SEMA3A: variants seen among roughly 807,000 people sequenced by gnomAD.
SEMA3A encodes semaphorin-3A.
A neutral mutation model predicts 97.9 loss-of-function variants in SEMA3A; 29 were observed. That is an observed-to-expected ratio of 0.30 (90% confidence interval 0.22 to 0.40). The LOEUF (loss-of-function observed/expected upper bound fraction) is 0.40, where lower values mean the gene tolerates loss of function less well. Among genes scored for constraint, SEMA3A ranks in the 10% least tolerant of loss-of-function variants. The pLI is 1.00. For missense variants in SEMA3A, 763 were observed against 951.3 expected (o/e 0.80, Z 2.60); for synonymous variants, 321 against 323.7 (o/e 0.99, Z 0.09).
chr7:84,191,943 T>C (rs985228319), intron 1 of SEMA3A, among the ~76,000 whole-genome samples: 1 of 151,896 alleles, frequency 6.6e-6, no homozygotes, highest in South Asian at 2.1e-4. Flanking sequence ...AAGGCCACTT[T>C]CCTGTTTTTA....
intron 2 of SEMA3A, among the ~76,000 whole-genome samples, chr7:84,328,445 G>A (rs536995233): frequency 1.3e-5 from 2 of 151,930 alleles, no homozygotes; most frequent in South Asian, 4.1e-4. Flanking sequence ...GAGATAGAGG[G>A]GAAGAGAGAC....
chr7:84,143,476 G>T (rs1241886459), intron 1 of SEMA3A, among the ~76,000 whole-genome samples: 4 of 140,294 alleles, frequency 2.9e-5, no homozygotes, highest in Non-Finnish European at 6.2e-5. Context: ...ACAAATCATA[G>T]AGATTGCATC....
chr7:84,451,392 A>G (rs1305564857), intron 1 of SEMA3A, among the ~76,000 whole-genome samples: 2 of 152,158 alleles, frequency 1.3e-5, no homozygotes, highest in African/African-American at 2.4e-5. Flanking sequence ...GTTTTGAATC[A>G]TTCTGGAACA....
intron 4 of SEMA3A, among the ~76,000 whole-genome samples, chr7:84,076,154 T>C (rs1160569474): frequency 6.6e-6 from 1 of 152,200 alleles, no homozygotes; most frequent in Non-Finnish European, 1.5e-5. Context: ...GGGACACTTA[T>C]GGTATATCTT....
intron 1 of SEMA3A, among the ~76,000 whole-genome samples, chr7:84,175,145 T>A (rs562461863): frequency 6.6e-6 from 1 of 152,244 alleles, no homozygotes; most frequent in South Asian, 2.1e-4. Context: ...AGATTCTAGC[T>A]TTTTTCCTAC....
Position 83,987,602 on chromosome 7 carries a change from C to G in SEMA3A, c.1453-2125G>C, listed in dbSNP as rs544413651. Reference sequence around the variant, plus strand: ...AGATTTTGGCTGTTTATTTCACAGCCATATCCCTAGCACCTGGAATTACGC... The same window carrying G: ...AGATTTTGGCTGTTTATTTCACAGCGATATCCCTAGCACCTGGAATTACGC... On this transcript the variant is annotated intron_variant, in intron 12 of 16. Coordinates refer to ENST00000265362, the MANE Select transcript of SEMA3A (RefSeq NM_006080.3). Among the ~76,000 whole-genome samples, 28 of 152,266 alleles carry G rather than the reference C, an allele frequency of 1.8e-4. No individual in the cohort carries two copies. In the East Asian group the frequency reaches 5.2e-3, roughly 28 times the overall value.
intron 2 of SEMA3A, among the ~76,000 whole-genome samples, chr7:84,313,119 A>G (rs1050274594): frequency 1.4e-5 from 2 of 144,398 alleles, no homozygotes; most frequent in Non-Finnish European, 1.5e-5. Flanking sequence ...TAGCAGTTAG[A>G]ACTGCAACTT....
At chr7:84,423,148 A>G (rs1427690625) in intron 1 of SEMA3A, among the ~76,000 whole-genome samples, 1 of 152,094 alleles carries the variant, frequency 6.6e-6, no homozygotes, top group Non-Finnish European at 1.5e-5. Flanking sequence ...ATGTACACAA[A>G]TCAAAACATT....
At chr7:83,995,444 C>G (rs1790174118) in intron 12 of SEMA3A, among the ~76,000 whole-genome samples, 1 of 152,062 alleles carries the variant, frequency 6.6e-6, no homozygotes, top group Non-Finnish European at 1.5e-5. Context: ...TCTTAAGATC[C>G]TAGAATCCAT....
At chr7:84,168,750 GAACT>G (rs1211776084) in intron 1 of SEMA3A, among the ~76,000 whole-genome samples, 2 of 151,724 alleles carry the variant, frequency 1.3e-5, no homozygotes, top group African/African-American at 2.4e-5. Flanking sequence ...AATCTGATGA[GAACT>G]AACTGACACC....
chr7:84,331,523 G>A lies in SEMA3A; in HGVS notation c.-168-24231C>T, dbSNP rs559782421. Reference sequence around the variant, plus strand: ...TTGTTCTTTATTACTAGCAGTTTGTGGTTTTATATGCTTCTAACTAATCAT... The same window carrying A: ...TTGTTCTTTATTACTAGCAGTTTGTAGTTTTATATGCTTCTAACTAATCAT... On this transcript the variant is annotated intron_variant, in intron 2 of 3. Transcript: ENST00000424555. 1.8e-4 allele frequency among the ~76,000 whole-genome samples: 28 copies of A among 152,106 alleles called. 1 individual carries two copies. The South Asian group carries it at 5.6e-3, about 30-fold the overall frequency.
intron 1 of SEMA3A, among the ~76,000 whole-genome samples, chr7:84,377,206 G>A (rs1419916855): frequency 2.6e-5 from 4 of 151,994 alleles, no homozygotes; most frequent in Non-Finnish European, 4.4e-5. Context: ...TAAGGTCAGA[G>A]ATAGGGGTCT....
In SEMA3A at chr7:84,444,085, C is replaced by T. The variant is rs367578977; in HGVS notation, c.-246+48375G>A. Among the ~76,000 whole-genome samples, 5 of 152,022 alleles carry T rather than the reference C, an allele frequency of 3.3e-5. No homozygotes were observed. The East Asian group carries it at 7.8e-4, about 24-fold the overall frequency. On this transcript the variant is annotated intron_variant, in intron 1 of 3. Transcript: ENST00000424555. ...TATTTTAGTAGAAATGGGGTTTCAC[C>T]ATGTTGGCCAGGCTGGTCTCAAACT...
At position 84,022,805 on chromosome 7, in the gene SEMA3A, G is replaced by A. The variant is rs143576623; in HGVS notation, c.668-8454C>T. ...ATTCTTGCATCTGCATAGCTTAAGT[G>A]GTATGCCTTTGGGGAAGAAACTTTG... On this transcript the variant is annotated intron_variant, in intron 6 of 16. Coordinates refer to ENST00000265362, the MANE Select transcript of SEMA3A (RefSeq NM_006080.3). Among the ~76,000 whole-genome samples, 3 of 152,264 alleles carry A rather than the reference G, an allele frequency of 2.0e-5. No individual in the cohort carries two copies. In the East Asian group the frequency reaches 5.8e-4, roughly 29 times the overall value.
At chr7:84,162,444 C>T (rs982430942) in intron 1 of SEMA3A, among the ~76,000 whole-genome samples, 7 of 151,968 alleles carry the variant, frequency 4.6e-5, no homozygotes, top group Non-Finnish European at 7.4e-5. Context: ...ACCTGGGGAC[C>T]CCTCATTTGC....
At chr7:84,471,246 G>T (rs1047576797) in intron 1 of SEMA3A, among the ~76,000 whole-genome samples, 1 of 149,378 alleles carries the variant, frequency 6.7e-6, no homozygotes. Context: ...CTATGTTGTT[G>T]GTTCCCACAC....
intron 3 of SEMA3A, among the ~76,000 whole-genome samples, chr7:84,302,845 A>C (rs2115832348): frequency 6.6e-6 from 1 of 152,246 alleles, no homozygotes; most frequent in African/African-American, 2.4e-5. Flanking sequence ...GGTTTCTGTA[A>C]TTTGTATTCA....
In SEMA3A at chr7:84,068,925, C is replaced by T. The variant is rs1439793772; in HGVS notation, c.454-8367G>A. 3.9e-5 allele frequency among the ~76,000 whole-genome samples: 6 copies of T among 151,980 alleles called. No individual in the cohort carries two copies. The South Asian group carries it at 1.0e-3, about 26-fold the overall frequency. ...TCCTTTCCTCCTTTTTGTTCAACCC[C>T]GTAAATAAATACTAAGTTAGTCACC... is the stretch of plus-strand genomic sequence containing the variant. On this transcript the variant is annotated intron_variant, in intron 4 of 16. Transcript: ENST00000265362.
chr7:84,452,061 T>C (rs1482425168), intron 1 of SEMA3A, among the ~76,000 whole-genome samples: 1 of 152,188 alleles, frequency 6.6e-6, no homozygotes, highest in Non-Finnish European at 1.5e-5. Context: ...TATTCCTCTC[T>C]TTGCTTGTTA....
Sources: allele counts gnomAD v4.1 joint callset (sites outside exome capture counted in the v4.1 genomes callset), GRCh38; gene constraint gnomAD v4.1.1; transcripts MANE v1.5; gene names NCBI Gene and HGNC (gene_info 2026-07-23, HGNC 2026-07-21).